CHRM3: variants seen among roughly 807,000 people sequenced by gnomAD.
CHRM3 encodes the protein cholinergic receptor muscarinic 3.
CHRM3 carries 11 observed loss-of-function variants against 41.8 expected under a neutral mutation model. That is an observed-to-expected ratio of 0.26 (90% CI 0.17 to 0.44). The LOEUF is 0.44. Ranked by LOEUF, CHRM3 falls within the 20% of genes least tolerant of loss-of-function variation. The probability of loss-of-function intolerance (pLI) is 1.00; values close to 1 mark genes in which losing one functional copy is unlikely to be tolerated. For missense variants in CHRM3, 571 were observed against 745.4 expected, an observed-to-expected ratio of 0.77 and a Z score of 2.72; for synonymous variants, 297 against 301.4, an observed-to-expected ratio of 0.99 and a Z score of 0.15.
intron 3 of CHRM3, among the ~76,000 whole-genome samples, chr1:239,580,704 T>TATATATATATACACAC (rs570878631): frequency 2.4e-4 from 31 of 131,060 alleles, no homozygotes; most frequent in African/African-American, 7.7e-4. Context: ...TATATATATA[T>TATATATATATACACAC]ACACACACAC....
At position 239,805,992 on chromosome 1, in the gene CHRM3, G is replaced by T. The variant is rs1298808696; in HGVS notation, c.-146-21260G>T. ...CAAAACAAAACAGGAATCTCTCTTG[G>T]AGCTTGATTCTGCATTTTGAAAGCT... On this transcript the variant is annotated intron_variant, in intron 5 of 6. Transcript: ENST00000676153. Among the ~76,000 whole-genome samples, 5 of 152,252 alleles carry T rather than the reference G, an allele frequency of 3.3e-5. No homozygotes were observed. In the South Asian group the frequency reaches 8.3e-4, roughly 25 times the overall value.
At chr1:239,659,170 T>C (rs1672973630) in intron 4 of CHRM3, among the ~76,000 whole-genome samples, 2 of 152,220 alleles carry the variant, frequency 1.3e-5, no homozygotes, top group African/African-American at 4.8e-5. Context: ...CTTTATGTTC[T>C]CTTTCTATAC....
intron 5 of CHRM3, among the ~76,000 whole-genome samples, chr1:239,700,940 G>A (rs1032047561): frequency 6.6e-6 from 1 of 152,108 alleles, no homozygotes; most frequent in African/African-American, 2.4e-5. Context: ...CTGTAGATAT[G>A]ATGTGAACAG....
At chr1:239,713,356 A>T (rs984254084) in intron 5 of CHRM3, among the ~76,000 whole-genome samples, 2 of 152,196 alleles carry the variant, frequency 1.3e-5, no homozygotes, top group South Asian at 4.2e-4. Flanking sequence ...TTCTCTAGGG[A>T]TGGTTGATAT....
At chr1:239,497,615 G>A (rs114684508) in intron 2 of CHRM3, among the ~76,000 whole-genome samples, 150 of 152,240 alleles carry the variant, frequency 9.9e-4, no homozygotes, top group African/African-American at 3.5e-3. Flanking sequence ...TTATGCTTTC[G>A]TTTCTTTCCT....
chr1:239,693,101 A>T (rs1467036101), intron 5 of CHRM3, among the ~76,000 whole-genome samples: 1 of 152,166 alleles, frequency 6.6e-6, no homozygotes, highest in Non-Finnish European at 1.5e-5. Context: ...TATTTCCTTC[A>T]CACTGCTTTG....
At chr1:239,594,109 G>A (rs1459732358) in intron 3 of CHRM3, among the ~76,000 whole-genome samples, 2 of 152,054 alleles carry the variant, frequency 1.3e-5, no homozygotes, top group Admixed American at 6.6e-5. Context: ...TCTGTATTCT[G>A]TGTTATGACA....
rs3063600 is a variant in CHRM3, at chr1:239,670,771, A to ACCC, written c.-249-7409_-249-7407dup. Among the ~76,000 whole-genome samples, 1,443 of 150,402 alleles carry ACCC rather than the reference A, an allele frequency of 9.6e-3. 27 individuals carry two copies. Among genetic ancestry groups the ACCC allele is most frequent in the African/African-American group, 0.03 (1,233 of 40,698 alleles). Reference sequence around the variant, plus strand: ...TCGAACTCCCAACCTCAGGTGATCTACCCCCCCCACCTCAGTTTCCCAAAG... The same window carrying ACCC: ...TCGAACTCCCAACCTCAGGTGATCTACCCCCCCCCCCACCTCAGTTTCCCAAAG... On this transcript the variant is annotated intron_variant, in intron 4 of 6. Transcript: ENST00000676153.
chr1:239,564,219 T>C (rs1661145790), intron 3 of CHRM3, among the ~76,000 whole-genome samples: 1 of 152,130 alleles, frequency 6.6e-6, no homozygotes, highest in Admixed American at 6.6e-5. Flanking sequence ...ATCTAAGCAT[T>C]GAGAAAATAA....
At chr1:239,581,431 T>C (rs1329340987) in intron 3 of CHRM3, among the ~76,000 whole-genome samples, 4 of 138,022 alleles carry the variant, frequency 2.9e-5, no homozygotes, top group Non-Finnish European at 3.1e-5. Flanking sequence ...CATTCTCAGA[T>C]TGCTGCTGAG....
At chr1:239,418,324 G>A (rs1661667190) in intron 1 of CHRM3, among the ~76,000 whole-genome samples, 1 of 150,756 alleles carries the variant, frequency 6.6e-6, no homozygotes, top group Admixed American at 6.6e-5. Flanking sequence ...GCAGTGCTTA[G>A]ATGTTGCTTT....
At chr1:239,488,506 G>C (rs901822122) in intron 1 of CHRM3, among the ~76,000 whole-genome samples, 2 of 151,844 alleles carry the variant, frequency 1.3e-5, no homozygotes, top group Non-Finnish European at 2.9e-5. Context: ...ATCAGGTCAG[G>C]AAATCGAGAC....
At chr1:239,783,885 C>A (rs936454632) in intron 5 of CHRM3, among the ~76,000 whole-genome samples, 3 of 152,106 alleles carry the variant, frequency 2.0e-5, no homozygotes, top group Non-Finnish European at 2.9e-5. Flanking sequence ...TGGTAGTCCC[C>A]AGTGACTATT....
intron 5 of CHRM3, among the ~76,000 whole-genome samples, chr1:239,713,082 T>C (rs2148243275): frequency 6.6e-6 from 1 of 152,250 alleles, no homozygotes; most frequent in East Asian, 1.9e-4. Flanking sequence ...ACAATCTGCT[T>C]CTGCAAAGAC....
intron 6 of CHRM3, among the ~76,000 whole-genome samples, chr1:239,875,964 GA>G (rs1441790423): frequency 6.6e-6 from 1 of 152,156 alleles, no homozygotes; most frequent in Non-Finnish European, 1.5e-5. Context: ...GTAGGAGAAG[GA>G]AATAGCATCC....
intron 5 of CHRM3, among the ~76,000 whole-genome samples, chr1:239,789,429 C>A (rs1269411176): frequency 6.6e-6 from 1 of 152,110 alleles, no homozygotes; most frequent in Non-Finnish European, 1.5e-5. Flanking sequence ...TAAAGGCGTG[C>A]CTGAGACTGG....
intron 4 of CHRM3, among the ~76,000 whole-genome samples, chr1:239,659,192 T>C (rs978016378): frequency 4.6e-5 from 7 of 152,188 alleles, no homozygotes; most frequent in Non-Finnish European, 1.0e-4. Flanking sequence ...TGTTCTCTGC[T>C]CCCTGTGTCT....
chr1:239,564,232 A>T (rs1046326836), intron 3 of CHRM3, among the ~76,000 whole-genome samples: 2 of 152,188 alleles, frequency 1.3e-5, no homozygotes, highest in Non-Finnish European at 2.9e-5. Context: ...GAAAATAATA[A>T]ACCTAATGTA....
intron 1 of CHRM3, among the ~76,000 whole-genome samples, chr1:239,433,822 G>A (rs571936503): frequency 2.0e-5 from 3 of 152,146 alleles, no homozygotes; most frequent in Non-Finnish European, 4.4e-5. Flanking sequence ...GTATTCCATC[G>A]TATATACATA....
Sources: gnomAD v4.1 joint callset for allele counts (sites outside exome capture counted in the v4.1 genomes callset) on GRCh38, gnomAD v4.1.1 for gene constraint, MANE v1.5 for transcripts, NCBI Gene and HGNC (gene_info 2026-07-23, HGNC 2026-07-21) for gene names.